LRP1: variants seen among roughly 807,000 people sequenced by gnomAD.
LRP1 encodes the protein LDL receptor related protein 1.
In LRP1, 51 loss-of-function variants were observed where a neutral mutation model predicts 541.5. The observed-to-expected ratio is 0.09, with a 90% CI of 0.08 to 0.12. The LOEUF is 0.12. LRP1 is among the 10% of genes least tolerant of loss of function. LRP1 has a pLI of 1.00. For synonymous variants in LRP1, 2,219 were observed against 2,470.8 expected (o/e 0.90, Z 3.02); for missense variants, 3,878 against 6,376.2 (o/e 0.61, Z 13.34).
rs769778868 is a variant in LRP1 at position 57,150,189 on chromosome 12, C to CTTTTTTTTTTTTTTTTTTTTTTT, written c.842-3999_842-3998insTTTTTTTTTTTTTTTTTTTTTTT. 4.3e-4 allele frequency: 40 copies of CTTTTTTTTTTTTTTTTTTTTTTT among 92,844 alleles called. 7 individuals carry two copies. Among genetic ancestry groups the CTTTTTTTTTTTTTTTTTTTTTTT allele is most frequent in the African/African-American group, 2.0e-3 (39 of 19,498 alleles). The allele number at this position is 92,844 out of a possible 1,614,324, so 5.8% of individuals were successfully genotyped here. On this transcript the variant is annotated intron_variant, in intron 6 of 88. Transcript: ENST00000243077. ...GAGCCTGTAACAGGAAAACTTCCTTCTTTTTTTTTTTTTTTTTTTTGAGAT... is the reference window on the plus strand; with the variant it reads ...GAGCCTGTAACAGGAAAACTTCCTTCTTTTTTTTTTTTTTTTTTTTTTTTTTTTTTTTTTTTTTTTTTTGAGAT...
In LRP1 at chr12:57,200,600, TTGAA is replaced by T. The variant is rs2036628715; in HGVS notation, c.10108+68_10108+71del. ...TGTCGGAGGCCTGACTCCTGAGGCTTTGAATGGCCACTGGAGAGGCTGGGGCTGT... is the reference window on the plus strand; with the variant it reads ...TGTCGGAGGCCTGACTCCTGAGGCTTTGGCCACTGGAGAGGCTGGGGCTGT... On this transcript the variant is annotated intron_variant, in intron 63 of 88. Coordinates refer to ENST00000243077, the MANE Select transcript of LRP1 (RefSeq NM_002332.3). 11 of 1,552,656 alleles carry T rather than the reference TTGAA, an allele frequency of 7.1e-6. No homozygotes were observed. The South Asian group carries it at 1.2e-4, about 17-fold the overall frequency.
In LRP1 at chr12:57,202,541, C is replaced by CG; in HGVS notation, c.10711+5dup. The CG allele has an allele frequency of 1.3e-6, 2 of 1,562,850 alleles. No individual in the cohort carries two copies. The highest frequency in any genetic ancestry group is 2.4e-5 in the East Asian group (1 of 42,366). ...AACTCCGATGAAGAGAGCTGCAGTA[C>CG]GTCCCCACCCACCCAGCCCCGCATG... On this transcript the variant is annotated splice_donor_region_variant and intron_variant, in intron 68 of 88. Coordinates refer to ENST00000243077, the MANE Select transcript of LRP1 (RefSeq NM_002332.3).
chr12:57,155,077 T>C, intron 8 of LRP1: 2 of 493,406 alleles, frequency 4.1e-6, no homozygotes, highest in Non-Finnish European at 7.2e-6. Context: ...CTGGAACTTG[T>C]TCTAGAAGCC....
At position 57,175,118 on chromosome 12, in the gene LRP1, G is replaced by T. The variant is rs556925935; in HGVS notation, c.3548-342G>T. On this transcript the variant is annotated intron_variant, in intron 22 of 88. Coordinates refer to ENST00000243077, the MANE Select transcript of LRP1 (RefSeq NM_002332.3). ...GGACTGGACCTAAGGACCTCCCAGG[G>T]TCCCTCCCAGGGAGGCAAAAAGCTG... is the stretch of plus-strand genomic sequence containing the variant. 2.6e-5 allele frequency among the ~76,000 whole-genome samples: 4 copies of T among 152,206 alleles called. No individual in the cohort carries two copies. In the East Asian group the frequency reaches 7.7e-4, roughly 29 times the overall value.
At chr12:57,182,748 G>A (rs1277702546) in intron 34 of LRP1, among the ~76,000 whole-genome samples, 2 of 152,040 alleles carry the variant, frequency 1.3e-5, no homozygotes, top group South Asian at 2.1e-4. Context: ...CCTGGGACGC[G>A]GAGGTTGTGG....
chr12:57,192,020 CCTACCACCCACA>C (rs1565744324), intron 44 of LRP1, among the ~76,000 whole-genome samples: 27 of 106,044 alleles, frequency 2.5e-4, no homozygotes, highest in South Asian at 3.5e-4. Flanking sequence ...ATGCCACACA[CCTACCACCCACA>C]ACACACATCA....
rs1366682529 is a variant in LRP1, at chr12:57,183,962, C to T, written c.5929+53C>T. 2.0e-5 allele frequency: 33 copies of T among 1,610,110 alleles called. No individual in the cohort carries two copies. The highest frequency in any genetic ancestry group is 3.3e-5 in the South Asian group (3 of 90,732). On this transcript the variant is annotated intron_variant, in intron 36 of 88. Transcript: ENST00000243077. The surrounding 1 kb of genome is among the most constrained non-coding windows in gnomAD (Gnocchi z 6.1). Reference sequence around the variant, plus strand: ...TGGGGTGTGGCAGAGGACTGGGGGACGAAGTGAGAGGAGGAGTTGGCGGGA... The same window carrying T: ...TGGGGTGTGGCAGAGGACTGGGGGATGAAGTGAGAGGAGGAGTTGGCGGGA...
At position 57,175,533 on chromosome 12, in the gene LRP1, C is replaced by T. The variant is rs1319131628; in HGVS notation, c.3621C>T (p.Ser1207=). The part of the protein sequence containing the change: ...SVAPGEGIVC[S]CPLGMELGPD... ...CACCTGGCGAAGGCATTGTGTGTTC[C>T]TGCCCTCTGGGCATGGAGCTGGGGC... The change falls in exon 23 of 89, where the codon TCC becomes TCT. Residue 1207 remains serine, a synonymous_variant. Coordinates refer to ENST00000243077, the MANE Select transcript of LRP1 (RefSeq NM_002332.3). 1 of 1,614,194 alleles carries T rather than the reference C, an allele frequency of 6.2e-7. No homozygotes were observed. The highest frequency in any genetic ancestry group is 8.5e-7 in the Non-Finnish European group (1 of 1,180,034).
intron 1 of LRP1, among the ~76,000 whole-genome samples, chr12:57,135,492 GTTTA>G (rs758573914): frequency 1.3e-5 from 2 of 152,180 alleles, no homozygotes; most frequent in Non-Finnish European, 2.9e-5. Flanking sequence ...TCCCAAAGTA[GTTTA>G]TTTGTTTCTT....
chr12:57,148,035 A>C (rs1172623096), intron 6 of LRP1, among the ~76,000 whole-genome samples: 1 of 152,182 alleles, frequency 6.6e-6, no homozygotes, highest in Non-Finnish European at 1.5e-5. Context: ...AGAGAACTCC[A>C]TGGTGAGAGC....
chr12:57,170,403 G>T (rs1041145203), intron 20 of LRP1, among the ~76,000 whole-genome samples: 1 of 152,130 alleles, frequency 6.6e-6, no homozygotes, highest in Non-Finnish European at 1.5e-5. Context: ...TGCAGGCCAG[G>T]CATGGTGGCT....
Position 57,145,451 on chromosome 12 carries a change from G to A in LRP1, c.802G>A (p.Val268Met), listed in dbSNP as rs768155333. The A allele has an allele frequency of 1.9e-5, 31 of 1,613,924 alleles. 1 individual carries two copies. Among genetic ancestry groups the A allele is most frequent in the Non-Finnish European group, 2.0e-5 (24 of 1,180,036 alleles). Reference protein sequence around the residue: ...CARMPGLKGFVDEHTINISLS... With the variant: ...CARMPGLKGFMDEHTINISLS... ...CCGCATGCCTGGCCTAAAGGGCTTCGTGGATGAGCACACCATCAACATCTC... is the reference window on the plus strand; with the variant it reads ...CCGCATGCCTGGCCTAAAGGGCTTCATGGATGAGCACACCATCAACATCTC... The change falls in exon 6 of 89, where the codon GTG (valine) becomes ATG (methionine). Residue 268 changes from valine (V) to methionine (M), a missense_variant. Physicochemically the swap from Val to Met is conservative, Grantham distance 21 (BLOSUM62 1). Transcript: ENST00000243077.
rs140370979 is a variant in LRP1 at position 57,198,613 on chromosome 12, G to A, written c.9619G>A (p.Asp3207Asn). The change falls in exon 60 of 89, where the codon GAC becomes AAC. Residue 3207 changes from aspartate to asparagine, a missense_variant. Coordinates refer to ENST00000243077, the MANE Select transcript of LRP1 (RefSeq NM_002332.3). ...TGTCACTGAGCGCATCTACTGGGCC[G>A]ACGCCCGCGAGGACTACATTGAATT... ...DYVTERIYWA[D>N]AREDYIEFAS... is the part of the protein sequence containing the mutation. 1.9e-6 allele frequency: 3 copies of A among 1,613,478 alleles called. No individual in the cohort carries two copies. The highest frequency in any genetic ancestry group is 2.5e-6 in the Non-Finnish European group (3 of 1,179,858).
intron 20 of LRP1, among the ~76,000 whole-genome samples, chr12:57,172,518 C>A (rs1330693843): frequency 2.0e-5 from 3 of 152,172 alleles, no homozygotes; most frequent in African/African-American, 7.2e-5. Flanking sequence ...GGAGATGAGA[C>A]TTTGCAGCGG....
chr12:57,187,301 T>A lies in LRP1; in HGVS notation c.6876T>A (p.Arg2292=), dbSNP rs1368640719. 1 of 1,614,096 alleles carries A rather than the reference T, an allele frequency of 6.2e-7. No individual in the cohort carries two copies. The change falls in exon 42 of 89, where the codon CGT becomes CGA. Residue 2292 remains arginine (R), a synonymous_variant. Coordinates refer to ENST00000243077, the MANE Select transcript of LRP1 (RefSeq NM_002332.3). ...VGSVEGLAYH[R]GWDTLYWTSY... ...CCGTGGAAGGCCTGGCCTATCACCG[T>A]GGCTGGGACACTCTCTATTGGACAA...
At position 57,173,250 on chromosome 12, in the gene LRP1, C is replaced by T. The variant is rs575910230; in HGVS notation, c.3246C>T (p.Cys1082=). 5.6e-6 allele frequency: 9 copies of T among 1,613,966 alleles called. No individual in the cohort carries two copies. Among genetic ancestry groups the T allele is most frequent in the Admixed American group, 1.7e-5 (1 of 60,004 alleles). ...DGLCIPLRWR[C]DGDTDCMDSS... ...TATGCATCCCCCTGCGGTGGCGCTG[C>T]GATGGGGACACTGACTGCATGGACT... The change falls in exon 21 of 89, where the codon TGC becomes TGT. Residue 1082 remains cysteine, a synonymous_variant. Coordinates refer to ENST00000243077, the MANE Select transcript of LRP1 (RefSeq NM_002332.3). The surrounding 1 kb of genome is among the most constrained non-coding windows in gnomAD (Gnocchi z 4.7).
chr12:57,180,275 C>T (rs1258109422), intron 31 of LRP1, 55 bp from the exon 32 acceptor site: 4 of 1,604,770 alleles, frequency 2.5e-6, no homozygotes, highest in African/African-American at 1.3e-5. Context: ...CTGCTCCCTT[C>T]CCTGGATCCC....
At chr12:57,143,057 C>G (rs1326419984) in intron 3 of LRP1, among the ~76,000 whole-genome samples, 1 of 152,178 alleles carries the variant, frequency 6.6e-6, no homozygotes, top group South Asian at 2.1e-4. Context: ...CCTCTCCCCC[C>G]TCCTGTCTCA....
At chr12:57,196,790 G>A (rs1455527732) in intron 55 of LRP1, among the ~76,000 whole-genome samples, 192 bp from the exon 56 acceptor site, 1 of 152,214 alleles carries the variant, frequency 6.6e-6, no homozygotes, top group African/African-American at 2.4e-5. Context: ...GGCACACGCA[G>A]CTCTGTCAAA....
Sources: allele counts gnomAD v4.1 joint callset (sites outside exome capture counted in the v4.1 genomes callset), GRCh38; gene constraint gnomAD v4.1.1; non-coding constraint Gnocchi (gnomAD v3.1); transcripts MANE v1.5; gene names NCBI Gene and HGNC (gene_info 2026-07-23, HGNC 2026-07-21).